Variants in CCR3 observed in about 807,000 individuals in gnomAD.
The protein encoded by CCR3 is C-C chemokine receptor type 3.
For synonymous variants in CCR3, 203 were observed against 179.2 expected (o/e 1.13, Z -1.06); for missense variants, 419 against 437.5 (o/e 0.96, Z 0.38).
upstream of CCR3, among the ~76,000 whole-genome samples, chr3:46,241,166 G>T (rs71615443): frequency 8.0e-5 from 12 of 149,318 alleles, no homozygotes; most frequent in Admixed American, 3.3e-4. Context: ...ATGTGTGTGC[G>T]CTCTCTCTCT....
At chr3:46,231,446 T>C (rs529718084) in intron 2 of CCR3, among the ~76,000 whole-genome samples, 5 of 152,366 alleles carry the variant, frequency 3.3e-5, no homozygotes, top group African/African-American at 1.2e-4. Context: ...TTGTTACTTG[T>C]AGGAAAAGGA....
chr3:46,243,120 A>G (rs970543348), intron 1 of CCR3, among the ~76,000 whole-genome samples: 1 of 151,658 alleles, frequency 6.6e-6, no homozygotes, highest in African/African-American at 2.4e-5. Context: ...CTTATATAAA[A>G]TGATGTAGTA....
intron 1 of CCR3, among the ~76,000 whole-genome samples, chr3:46,260,215 A>T (rs1278563540): frequency 6.6e-6 from 1 of 152,162 alleles, no homozygotes; most frequent in Non-Finnish European, 1.5e-5. Context: ...ACAATTCGAG[A>T]TGAGATTTGG....
chr3:46,211,879 C>T (rs569212796), intron 2 of CCR3, among the ~76,000 whole-genome samples: 22 of 152,224 alleles, frequency 1.4e-4, no homozygotes, highest in Middle Eastern at 3.4e-3. Flanking sequence ...TATAGCCTCT[C>T]GATGTGGTGG....
At chr3:46,253,467 T>C (rs780242620) in intron 1 of CCR3, among the ~76,000 whole-genome samples, 36 of 152,190 alleles carry the variant, frequency 2.4e-4, no homozygotes, top group Non-Finnish European at 4.0e-4. Flanking sequence ...TCATCTTTAC[T>C]GGGTAAAGCT....
At chr3:46,219,015 A>G (rs1699805328) in intron 2 of CCR3, among the ~76,000 whole-genome samples, 1 of 152,158 alleles carries the variant, frequency 6.6e-6, no homozygotes, top group Admixed American at 6.5e-5. Context: ...GGCCATCCAA[A>G]TTAGTAATGA....
chr3:46,234,128 C>A (rs137906964), intron 2 of CCR3, among the ~76,000 whole-genome samples: 1,741 of 152,344 alleles, frequency 0.011, 35 homozygotes, highest in African/African-American at 0.038. Context: ...GAGATGTTAA[C>A]ACTTGTCATT....
intron 2 of CCR3, among the ~76,000 whole-genome samples, chr3:46,234,410 TG>T (rs1444144346): frequency 1.3e-5 from 2 of 152,142 alleles, no homozygotes; most frequent in Non-Finnish European, 2.9e-5. Flanking sequence ...GGGAGATCCT[TG>T]ACATCTGTGA....
upstream of CCR3, among the ~76,000 whole-genome samples, chr3:46,240,691 A>G (rs889085720): frequency 6.6e-6 from 1 of 152,168 alleles, no homozygotes. Context: ...AAGTATTTTC[A>G]TGACGCTGTC....
intron 1 of CCR3, among the ~76,000 whole-genome samples, chr3:46,262,502 G>A (rs766289803): frequency 3.9e-5 from 6 of 151,986 alleles, no homozygotes; most frequent in East Asian, 1.9e-4. Context: ...ACTTATTTAC[G>A]ATTACCCTAT....
rs950514151 is a variant in CCR3, at chr3:46,253,070, G to T, written c.-12+10532G>T. 2.0e-5 allele frequency among the ~76,000 whole-genome samples: 3 copies of T among 151,990 alleles called. 1 individual carries two copies. The highest frequency in any genetic ancestry group is 1.3e-4 in the Admixed American group (2 of 15,260). The stretch of plus-strand genomic sequence containing the variant: ...AGAGACTCTGATTTAATTGTTCAGG[G>T]TTATAAGCTGGGGATTTTCAAGAGC... On this transcript the variant is annotated intron_variant, in intron 1 of 1. Coordinates refer to ENST00000395940, the MANE Select transcript of CCR3 (RefSeq NM_178329.3).
intron 1 of CCR3, among the ~76,000 whole-genome samples, chr3:46,247,409 A>C (rs1423954902): frequency 1.3e-5 from 2 of 152,184 alleles, no homozygotes; most frequent in East Asian, 3.8e-4. Context: ...TAGCATTCCG[A>C]GGACAGGTCT....
upstream of CCR3, among the ~76,000 whole-genome samples, chr3:46,240,288 A>G (rs1373110734): frequency 6.6e-6 from 1 of 152,144 alleles, no homozygotes; most frequent in Non-Finnish European, 1.5e-5. Context: ...ACATTTTAAA[A>G]TGTGTATGTG....
At chr3:46,232,005 G>A (rs980292517) in intron 2 of CCR3, among the ~76,000 whole-genome samples, 4 of 152,160 alleles carry the variant, frequency 2.6e-5, no homozygotes, top group African/African-American at 7.2e-5. Context: ...TATTGGAAGT[G>A]CATTGTTTTT....
intron 2 of CCR3, among the ~76,000 whole-genome samples, chr3:46,230,988 G>A (rs1389591818): frequency 2.0e-5 from 3 of 152,126 alleles, no homozygotes; most frequent in Admixed American, 6.5e-5. Context: ...GCAGTGGCGC[G>A]ATCTTGGCTC....
intron 2 of CCR3, among the ~76,000 whole-genome samples, chr3:46,214,305 G>C (rs34498313): frequency 0.16 from 25,030 of 151,980 alleles, 2,991 homozygotes; most frequent in African/African-American, 0.33. Flanking sequence ...TTCCTGGACA[G>C]TTCTCTGCCT....
rs1700632596 is a variant in CCR3, at chr3:46,266,226, G to A, written c.1068G>A (p.Ter356=). The change falls in exon 2 of 2, where the codon TAG becomes TAA. Residue 356 remains the stop codon, a stop_retained_variant. Transcript: ENST00000395940. Reference sequence around the variant, plus strand: ...AGCCGGAACTCTCTATTGTGTTTTAGGTCAGATGCAGAAAATTGCCTAAAG... The same window carrying A: ...AGCCGGAACTCTCTATTGTGTTTTAAGTCAGATGCAGAAAATTGCCTAAAG... The part of the protein sequence containing the change: ...TAEPELSIVF[*] 3.8e-6 allele frequency: 6 copies of A among 1,596,452 alleles called. No individual in the cohort carries two copies. The highest frequency in any genetic ancestry group is 5.1e-6 in the Non-Finnish European group (6 of 1,167,580).
chr3:46,225,941 C>T (rs887850586), intron 2 of CCR3, among the ~76,000 whole-genome samples: 1 of 152,114 alleles, frequency 6.6e-6, no homozygotes, highest in Non-Finnish European at 1.5e-5. Flanking sequence ...TTTGAAAAGA[C>T]TATCCCTCCA....
chr3:46,211,499 C>G (rs895660474), intron 2 of CCR3, among the ~76,000 whole-genome samples: 3 of 152,032 alleles, frequency 2.0e-5, no homozygotes, highest in African/African-American at 7.2e-5. Flanking sequence ...GCTGGGATTA[C>G]AGGTGTGACC....
Sources: gnomAD v4.1 joint callset for allele counts (sites outside exome capture counted in the v4.1 genomes callset) on GRCh38, gnomAD v4.1.1 for gene constraint, MANE v1.5 for transcripts, NCBI Gene and HGNC (gene_info 2026-07-23, HGNC 2026-07-21) for gene names.